The following PARVA variants were observed in gnomAD, a reference collection of about 807,000 sequenced individuals.
PARVA encodes parvin alpha, also known as alpha-parvin.
PARVA carries 25 observed loss-of-function variants against 52.6 expected under a neutral mutation model. The ratio of observed to expected loss-of-function variants is 0.48; its 90% CI spans 0.35 to 0.66. The LOEUF (loss-of-function observed/expected upper bound fraction) is 0.66. Ranked by LOEUF, PARVA falls within the 30% of genes least tolerant of loss-of-function variation. The pLI, the probability that PARVA is intolerant of heterozygous loss-of-function variation, is 0.01. For missense variants in PARVA, 373 were observed against 450.9 expected, an observed-to-expected ratio of 0.83 and a Z score of 1.56; for synonymous variants, 185 against 179.1, an observed-to-expected ratio of 1.03 and a Z score of -0.26.
intron 1 of PARVA, among the ~76,000 whole-genome samples, chr11:12,401,857 T>A (rs1939832994): frequency 6.6e-6 from 1 of 152,214 alleles, no homozygotes; most frequent in South Asian, 2.1e-4. Flanking sequence ...AGCTAAGGTG[T>A]AATATAGGCA....
chr11:12,508,125 A>AAC (rs1564865895), intron 6 of PARVA, among the ~76,000 whole-genome samples: 39 of 59,484 alleles, frequency 6.6e-4, no homozygotes, highest in South Asian at 1.4e-3. Flanking sequence ...AAAAAAAACC[A>AAC]AAAAAAAAAA....
At chr11:12,501,712 G>C (rs1208227824) in intron 5 of PARVA, among the ~76,000 whole-genome samples, 1 of 152,118 alleles carries the variant, frequency 6.6e-6, no homozygotes, top group Non-Finnish European at 1.5e-5. Context: ...TAACATCTTT[G>C]TACACGTAGC....
At chr11:12,471,883 A>G (rs1004271685) in intron 1 of PARVA, among the ~76,000 whole-genome samples, 2 of 152,254 alleles carry the variant, frequency 1.3e-5, no homozygotes, top group African/African-American at 4.8e-5. Context: ...TTCATTGGCC[A>G]GTAAGCCTAG....
intron 12 of PARVA, among the ~76,000 whole-genome samples, chr11:12,522,163 A>G (rs964279978): frequency 9.2e-5 from 14 of 152,230 alleles, no homozygotes; most frequent in African/African-American, 2.4e-5. Context: ...CCATGATAGC[A>G]TAGGCTGGAG....
chr11:12,451,867 C>A (rs780476780), intron 1 of PARVA, among the ~76,000 whole-genome samples: 5 of 152,120 alleles, frequency 3.3e-5, no homozygotes, highest in Non-Finnish European at 7.3e-5. Context: ...AAGAATATCG[C>A]GCTTCTTAGC....
At chr11:12,517,560 A>T (rs755680301) in intron 10 of PARVA, 50 bp from the exon 11 acceptor site, 4 of 1,355,574 alleles carry the variant, frequency 3.0e-6, no homozygotes, top group Non-Finnish European at 4.1e-6. Flanking sequence ...CTGGATGGGG[A>T]TTGGCTGGGA....
At chr11:12,442,748 G>A (rs1481871607) in intron 1 of PARVA, among the ~76,000 whole-genome samples, 1 of 152,178 alleles carries the variant, frequency 6.6e-6, no homozygotes, top group South Asian at 2.1e-4. Flanking sequence ...CTTCAGGAGG[G>A]TAGAAGGCAG....
chr11:12,505,542 C>A (rs1941422759), intron 6 of PARVA, among the ~76,000 whole-genome samples: 1 of 152,206 alleles, frequency 6.6e-6, no homozygotes, highest in Non-Finnish European at 1.5e-5. Flanking sequence ...GAATATGACA[C>A]CTCGGCCCTG....
chr11:12,518,880 C>T (rs1366414104), intron 12 of PARVA, among the ~76,000 whole-genome samples: 4 of 152,202 alleles, frequency 2.6e-5, no homozygotes, highest in Non-Finnish European at 4.4e-5. Context: ...GCAGCGCAGA[C>T]AGTTCTGGGC....
At chr11:12,429,580 T>C (rs1282809153) in intron 1 of PARVA, among the ~76,000 whole-genome samples, 1 of 152,242 alleles carries the variant, frequency 6.6e-6, no homozygotes, top group Non-Finnish European at 1.5e-5. Context: ...TGAGCTCTTG[T>C]AGCCATAGCT....
At chr11:12,520,981 T>TG (rs1311842711) in intron 12 of PARVA, among the ~76,000 whole-genome samples, 2 of 152,174 alleles carry the variant, frequency 1.3e-5, no homozygotes, top group African/African-American at 4.8e-5. Flanking sequence ...GTCATGCAGC[T>TG]GGCAGCTTTT....
intron 10 of PARVA, among the ~76,000 whole-genome samples, chr11:12,516,910 G>T (rs1319099918): frequency 6.6e-6 from 1 of 152,136 alleles, no homozygotes; most frequent in Non-Finnish European, 1.5e-5. Context: ...TTTGCACCTG[G>T]GAGGCCTGGC....
At chr11:12,420,478 G>A (rs546870486) in intron 1 of PARVA, among the ~76,000 whole-genome samples, 40 of 152,322 alleles carry the variant, frequency 2.6e-4, no homozygotes, top group African/African-American at 8.4e-4. Context: ...CAGAGGGACA[G>A]TGAAGCTAAT....
chr11:12,517,546 C>A (rs1169683900), intron 10 of PARVA, 64 bp from the exon 11 acceptor site: 2 of 1,204,972 alleles, frequency 1.7e-6, no homozygotes, highest in Non-Finnish European at 2.4e-6. Flanking sequence ...AGTTGATGGG[C>A]CCCCTGGATG....
chr11:12,491,828 T>G (rs1941237633), intron 4 of PARVA, among the ~76,000 whole-genome samples: 1 of 152,194 alleles, frequency 6.6e-6, no homozygotes, highest in African/African-American at 2.4e-5. Context: ...AATAATACAG[T>G]TAATCAGCTC....
At chr11:12,508,509 C>T (rs912816335) in intron 6 of PARVA, 75 bp from the exon 7 acceptor site, 10 of 985,562 alleles carry the variant, frequency 1.0e-5, no homozygotes, top group Middle Eastern at 2.0e-4. Flanking sequence ...CAGGAATGCT[C>T]ATCAGTGTTT....
chr11:12,425,793 G>C (rs1198957225), intron 1 of PARVA, among the ~76,000 whole-genome samples: 2 of 152,178 alleles, frequency 1.3e-5, no homozygotes, highest in South Asian at 2.1e-4. Flanking sequence ...ATATATGGCA[G>C]ACGTTAAGAA....
chr11:12,395,105 A>AAAAGAAAG lies in PARVA; in HGVS notation c.136+17325_136+17332dup, dbSNP rs750046211. On this transcript the variant is annotated intron_variant, in intron 1 of 12. Transcript: ENST00000334956. ...AAACTCCATCTCAAAAAAAAAAAAAAAAAGAAAGAAGAGGCCCTATGGAAG... is the reference window on the plus strand; with the variant it reads ...AAACTCCATCTCAAAAAAAAAAAAAAAAAGAAAGAAAGAAAGAAGAGGCCCTATGGAAG... Among the ~76,000 whole-genome samples, 1,158 of 148,984 alleles carry AAAAGAAAG rather than the reference A, an allele frequency of 7.8e-3. 23 individuals are homozygous for AAAAGAAAG. Among genetic ancestry groups the AAAAGAAAG allele is most frequent in the African/African-American group, 0.027 (1,051 of 39,330 alleles).
chr11:12,495,289 A>G lies in PARVA; in HGVS notation c.401-1169A>G, dbSNP rs148441775. On this transcript the variant is annotated intron_variant, in intron 4 of 12. Coordinates refer to ENST00000334956, the MANE Select transcript of PARVA (RefSeq NM_018222.5). ...AAATTCGCAAATCCACAGAACCTGC[A>G]TAAATTCTCCATTGGGCAACTTTAT... Among the ~76,000 whole-genome samples the G allele has an allele frequency of 1.5e-3, 226 of 152,340 alleles. 1 individual carries two copies. The highest frequency in any genetic ancestry group is 5.2e-3 in the African/African-American group (217 of 41,582).
Sources: gnomAD v4.1 joint callset for allele counts (sites outside exome capture counted in the v4.1 genomes callset) on GRCh38, gnomAD v4.1.1 for gene constraint, MANE v1.5 for transcripts, NCBI Gene and HGNC (gene_info 2026-07-23, HGNC 2026-07-21) for gene names.